CYTH1: variants seen among roughly 807,000 people sequenced by gnomAD.
CYTH1 encodes cytohesin 1.
In CYTH1, 18 loss-of-function variants were observed where a neutral mutation model predicts 61.8. That is an observed-to-expected ratio of 0.29 (90% CI 0.20 to 0.43). The LOEUF (loss-of-function observed/expected upper bound fraction) is 0.43. Among genes scored for constraint, CYTH1 ranks in the 20% least tolerant of loss-of-function variants. The pLI, the probability that CYTH1 is intolerant of heterozygous loss-of-function variation, is 1.00. For synonymous variants in CYTH1, 174 were observed against 184.3 expected, an observed-to-expected ratio of 0.94 and a Z score of 0.45; for missense variants, 336 against 510.5, an observed-to-expected ratio of 0.66 and a Z score of 3.29.
intron 10 of CYTH1, among the ~76,000 whole-genome samples, chr17:78,693,455 C>G (rs2092908799): frequency 6.6e-6 from 1 of 151,928 alleles, no homozygotes. Flanking sequence ...ATCCCCATCT[C>G]TACTAAAAGT....
intron 1 of CYTH1, among the ~76,000 whole-genome samples, chr17:78,769,120 T>C (rs566888063): frequency 6.6e-6 from 1 of 150,552 alleles, no homozygotes; most frequent in Non-Finnish European, 1.5e-5. Flanking sequence ...CACTCCAGCC[T>C]AGGCAACAGA....
intron 1 of CYTH1, among the ~76,000 whole-genome samples, chr17:78,750,268 T>A (rs1411298922): frequency 1.3e-5 from 2 of 152,126 alleles, no homozygotes; most frequent in African/African-American, 2.4e-5. Context: ...AAGGCTGATA[T>A]CAAAACATTC....
chr17:78,696,191 C>T (rs1281222175), intron 9 of CYTH1, among the ~76,000 whole-genome samples, 182 bp from the exon 10 acceptor site: 1 of 152,174 alleles, frequency 6.6e-6, no homozygotes, highest in Non-Finnish European at 1.5e-5. Context: ...GCAAATGATC[C>T]CACTACTGTC....
At chr17:78,728,365 G>A (rs984305723) in intron 1 of CYTH1, among the ~76,000 whole-genome samples, 3 of 152,098 alleles carry the variant, frequency 2.0e-5, no homozygotes, top group Non-Finnish European at 4.4e-5. Flanking sequence ...GACCAACATG[G>A]TGAAACCCCA....
intron 1 of CYTH1, chr17:78,727,539 G>A (rs926159992): frequency 1.9e-5 from 7 of 367,074 alleles, no homozygotes; most frequent in Admixed American, 3.2e-5. Context: ...ACCCTTACCA[G>A]AGTTGCCCCG....
At chr17:78,778,845 C>T (rs1185562061) in intron 1 of CYTH1, among the ~76,000 whole-genome samples, 2 of 152,016 alleles carry the variant, frequency 1.3e-5, no homozygotes, top group African/African-American at 4.8e-5. Flanking sequence ...GACGTCTGAA[C>T]ACGTCATGTT....
rs1404059502 is a variant in CYTH1, at chr17:78,738,550, A to T, written c.23-28818T>A. On this transcript the variant is annotated intron_variant, in intron 1 of 13. Coordinates refer to ENST00000446868, the MANE Select transcript of CYTH1 (RefSeq NM_004762.6). ...GTCAGACTCTGAAGGTGCTGACATG[A>T]CTCCAGGGCAAAGACTTCATCACAT... Among the ~76,000 whole-genome samples, 8 of 152,122 alleles carry T rather than the reference A, an allele frequency of 5.3e-5. No individual in the cohort carries two copies. The East Asian group carries it at 1.5e-3, about 29-fold the overall frequency.
chr17:78,730,995 T>G lies in CYTH1; in HGVS notation c.23-21263A>C, dbSNP rs530535418. On this transcript the variant is annotated intron_variant, in intron 1 of 13. Coordinates refer to ENST00000446868, the MANE Select transcript of CYTH1 (RefSeq NM_004762.6). Reference sequence around the variant, plus strand: ...TATCTTCTTAAGGAAGAAGTGAATGTGCTAGGGAAAGTCCTCACACACCAG... The same window carrying G: ...TATCTTCTTAAGGAAGAAGTGAATGGGCTAGGGAAAGTCCTCACACACCAG... 8.6e-4 allele frequency among the ~76,000 whole-genome samples: 131 copies of G among 152,298 alleles called. 3 individuals carry two copies. The South Asian group carries it at 0.027, about 31-fold the overall frequency.
At position 78,675,904 on chromosome 17, in the gene CYTH1, C is replaced by T; in HGVS notation, c.*187G>A. The stretch of plus-strand genomic sequence containing the variant: ...ATGCTGGACAGGTGGCCGGTCCTCT[C>T]TTCCCCAGTGATAACTGCCCACCCT... On this transcript the variant is annotated 3_prime_UTR_variant, in exon 14 of 14. Transcript: ENST00000446868. 1 of 1,522,870 alleles carries T rather than the reference C, an allele frequency of 6.6e-7. No homozygotes were observed. The highest frequency in any genetic ancestry group is 8.8e-7 in the Non-Finnish European group (1 of 1,133,932). The allele number at this position is 1,522,870 out of a possible 1,614,324, so 94.3% of individuals were successfully genotyped here. A position where few individuals can be genotyped will look rare whatever the true frequency, so the allele number is the denominator to read the frequency against.
chr17:78,701,831 C>T, intron 5 of CYTH1, 80 bp from the exon 6 acceptor site: 1 of 1,402,716 alleles, frequency 7.1e-7, no homozygotes, highest in South Asian at 1.2e-5. Context: ...GGCCATGTCT[C>T]CTACACTGCG....
intron 1 of CYTH1, among the ~76,000 whole-genome samples, chr17:78,732,915 T>C (rs1448045504): frequency 2.6e-5 from 4 of 151,960 alleles, no homozygotes; most frequent in African/African-American, 9.6e-5. Flanking sequence ...GGTGAAACCC[T>C]GTCTCTACTA....
At chr17:78,729,623 T>G (rs1037863995) in intron 1 of CYTH1, among the ~76,000 whole-genome samples, 3 of 152,246 alleles carry the variant, frequency 2.0e-5, no homozygotes. Context: ...ATCAAACTTA[T>G]GAATTTGATT....
intron 1 of CYTH1, among the ~76,000 whole-genome samples, chr17:78,761,123 G>A (rs924973804): frequency 7.2e-5 from 11 of 151,972 alleles, no homozygotes; most frequent in African/African-American, 2.4e-4. Context: ...GTGAGCCACC[G>A]CGCCCAGCCT....
chr17:78,762,035 G>C (rs1186059325), intron 1 of CYTH1, among the ~76,000 whole-genome samples: 2 of 152,202 alleles, frequency 1.3e-5, no homozygotes, highest in African/African-American at 2.4e-5. Flanking sequence ...GAAAACAGCA[G>C]ATTTCTGGAA....
chr17:78,761,002 A>G (rs572779469), intron 1 of CYTH1, among the ~76,000 whole-genome samples: 1 of 152,038 alleles, frequency 6.6e-6, no homozygotes, highest in East Asian at 1.9e-4. Context: ...CACCCGGCTA[A>G]TTTTTGTATT....
At chr17:78,695,272 G>A (rs770911760) in intron 10 of CYTH1, among the ~76,000 whole-genome samples, 47 of 152,184 alleles carry the variant, frequency 3.1e-4, no homozygotes, top group African/African-American at 7.5e-4. Flanking sequence ...CTGAAAAAGC[G>A]AGGGAGCAAA....
chr17:78,686,736 T>A (rs1382500747), intron 11 of CYTH1, among the ~76,000 whole-genome samples: 1 of 152,158 alleles, frequency 6.6e-6, no homozygotes, highest in African/African-American at 2.4e-5. Context: ...GGGAAGATGG[T>A]TCGGGATGAT....
intron 1 of CYTH1, among the ~76,000 whole-genome samples, chr17:78,751,203 C>A (rs1314901093): frequency 1.3e-5 from 2 of 151,924 alleles, no homozygotes; most frequent in African/African-American, 4.8e-5. Context: ...GGTCTCAAAC[C>A]CCTGGGCTCA....
chr17:78,766,292 G>C (rs1215350968), intron 1 of CYTH1, among the ~76,000 whole-genome samples: 1 of 152,106 alleles, frequency 6.6e-6, no homozygotes, highest in East Asian at 1.9e-4. Flanking sequence ...AAGGCTAAGA[G>C]AAGCCATGAA....
Sources: gnomAD v4.1 joint callset for allele counts (sites outside exome capture counted in the v4.1 genomes callset) on GRCh38, gnomAD v4.1.1 for gene constraint, MANE v1.5 for transcripts, NCBI Gene and HGNC (gene_info 2026-07-23, HGNC 2026-07-21) for gene names.